Variants in CISD2 observed in about 807,000 individuals in gnomAD.
The protein encoded by CISD2 is CDGSH iron-sulfur domain-containing protein 2.
A neutral mutation model predicts 12.9 loss-of-function variants in CISD2; 1 was observed. The observed-to-expected ratio is 0.08, with a 90% CI of 0.03 to 0.37. The LOEUF (loss-of-function observed/expected upper bound fraction) is 0.37. Ranked by LOEUF, CISD2 falls within the 10% of genes least tolerant of loss-of-function variation. The pLI is 0.99. For missense variants in CISD2, 97 were observed against 163.1 expected, an observed-to-expected ratio of 0.59 and a Z score of 2.21; for synonymous variants, 50 against 60.6, an observed-to-expected ratio of 0.83 and a Z score of 0.81.
At chr4:102,869,605 T>C (rs1733372124) in intron 1 of CISD2, 1 of 685,374 alleles carries the variant, frequency 1.5e-6, no homozygotes, top group Non-Finnish European at 2.7e-6. Flanking sequence ...GGTTGTACCC[T>C]CAGCATGTGG....
chr4:102,874,009 T>A (rs1733531267), intron 1 of CISD2, among the ~76,000 whole-genome samples: 1 of 151,482 alleles, frequency 6.6e-6, no homozygotes, highest in African/African-American at 2.4e-5. Context: ...ACTTGTATTC[T>A]CAGCTACTCA....
intron 1 of CISD2, among the ~76,000 whole-genome samples, chr4:102,874,070 A>G (rs57948648): frequency 0.018 from 2,788 of 151,898 alleles, 81 homozygotes; most frequent in African/African-American, 0.061. Flanking sequence ...AGGTCACAGT[A>G]AGCTGAGATC....
rs114825228 is a variant in CISD2 at position 102,880,235 on chromosome 4, C to T, written c.104-4981C>T. Among the ~76,000 whole-genome samples the T allele has an allele frequency of 1.9e-3, 282 of 152,194 alleles. 1 individual carries two copies. The highest frequency in any genetic ancestry group is 6.4e-3 in the African/African-American group (265 of 41,548). On this transcript the variant is annotated intron_variant, in intron 1 of 2. Coordinates refer to ENST00000273986, the MANE Select transcript of CISD2 (RefSeq NM_001008388.5). ...CTGGAATTACAGGCGTAAGCCACCA[C>T]GCCCAGCCCCCTTGTATCTCTTATA...
chr4:102,872,768 G>A (rs1440034038), intron 1 of CISD2, among the ~76,000 whole-genome samples: 1 of 152,274 alleles, frequency 6.6e-6, no homozygotes, highest in Middle Eastern at 3.4e-3. Flanking sequence ...ATAATAAAAG[G>A]TTAAACCTAA....
intron 1 of CISD2, among the ~76,000 whole-genome samples, chr4:102,876,627 G>A (rs1209445197): frequency 6.6e-6 from 1 of 152,102 alleles, no homozygotes; most frequent in Non-Finnish European, 1.5e-5. Flanking sequence ...ATGCACACCT[G>A]TAATCCCAGC....
chr4:102,880,919 C>T (rs955701472), intron 1 of CISD2, among the ~76,000 whole-genome samples: 9 of 150,636 alleles, frequency 6.0e-5, no homozygotes, highest in Non-Finnish European at 8.8e-5. Flanking sequence ...CGCTTGAACC[C>T]GGGCAGTGGA....
chr4:102,888,340 T>G lies in CISD2; in HGVS notation c.*910T>G, dbSNP rs1451105353. 6.6e-6 allele frequency: 1 copy of G among 152,156 alleles called. No individual in the cohort carries two copies. The highest frequency in any genetic ancestry group is 1.5e-5 in the Non-Finnish European group (1 of 68,046). 9.4% of individuals were successfully genotyped at this position (152,156 alleles called of 1,614,324 possible). On this transcript the variant is annotated 3_prime_UTR_variant, in exon 3 of 3. Coordinates refer to ENST00000273986, the MANE Select transcript of CISD2 (RefSeq NM_001008388.5). ...CACATATACCAAAATCTGCCCATAC[T>G]CAAGTCCCACAGAAAGTCTTGCAGA...
At position 102,890,965 on chromosome 4, in the gene CISD2, A is replaced by G. The variant is rs1394950013; in HGVS notation, c.*3535A>G. 6.6e-6 allele frequency: 1 copy of G among 150,606 alleles called. No homozygotes were observed. Among genetic ancestry groups the G allele is most frequent in the African/African-American group, 2.5e-5 (1 of 40,222 alleles). 9.3% of individuals were successfully genotyped at this position (150,606 alleles called of 1,614,324 possible). Reference sequence around the variant, plus strand: ...CTCAGCATTGTAGGAAATTTAACCCATGGAAAGCAGGGGTGAATTAAAGAC... The same window carrying G: ...CTCAGCATTGTAGGAAATTTAACCCGTGGAAAGCAGGGGTGAATTAAAGAC... On this transcript the variant is annotated 3_prime_UTR_variant, in exon 3 of 3. Coordinates refer to ENST00000273986, the MANE Select transcript of CISD2 (RefSeq NM_001008388.5).
chr4:102,885,519 TGAGA>T (rs1489821937), intron 2 of CISD2, 89 bp downstream of exon 2: 1 of 999,722 alleles, frequency 1.0e-6, no homozygotes, highest in African/African-American at 1.6e-5. Flanking sequence ...TTCTTTAAGA[TGAGA>T]GAATTTTCTG....
At chr4:102,869,820 G>A (rs2110390079) in intron 1 of CISD2, among the ~76,000 whole-genome samples, 1 of 152,244 alleles carries the variant, frequency 6.6e-6, no homozygotes, top group Middle Eastern at 3.4e-3. Flanking sequence ...ACCCAAGAAA[G>A]TATTCGAAGG....
intron 1 of CISD2, among the ~76,000 whole-genome samples, chr4:102,881,041 T>C (rs543471994): frequency 2.4e-4 from 37 of 152,246 alleles, no homozygotes; most frequent in Non-Finnish European, 5.0e-4. Context: ...GTTAGTAATA[T>C]TTTCCTTTCA....
intron 1 of CISD2, among the ~76,000 whole-genome samples, chr4:102,872,990 G>A (rs965919453): frequency 9.9e-5 from 15 of 152,182 alleles, no homozygotes; most frequent in Admixed American, 2.6e-4. Flanking sequence ...GGCGGAAGGC[G>A]AAGGGGAAAC....
chr4:102,869,221 G>A, intron 1 of CISD2, 34 bp downstream of exon 1: 1 of 1,580,096 alleles, frequency 6.3e-7, no homozygotes, highest in Non-Finnish European at 8.6e-7. Flanking sequence ...CCCCATCCTT[G>A]CACGTTCGCC....
chr4:102,884,039 T>C (rs1460813651), intron 1 of CISD2, among the ~76,000 whole-genome samples: 1 of 152,214 alleles, frequency 6.6e-6, no homozygotes, highest in African/African-American at 2.4e-5. Context: ...CATATTGTCT[T>C]TCTTTCAATA....
intron 1 of CISD2, 48 bp downstream of exon 1, chr4:102,869,235 CG>C (rs1349267482): frequency 1.3e-6 from 2 of 1,563,394 alleles, no homozygotes; most frequent in Admixed American, 1.9e-5. Context: ...GTTCGCCAAG[CG>C]GGGGAAGGAG....
rs1734259781 is a variant in CISD2 at position 102,891,778 on chromosome 4, A to T, written c.*4348A>T. ...AACTAAATAAAGCAGTAGCAATTTA[A>T]GTCATAATAAATTTTGTTAGATGAC... On this transcript the variant is annotated 3_prime_UTR_variant, in exon 3 of 3. Coordinates refer to ENST00000273986, the MANE Select transcript of CISD2 (RefSeq NM_001008388.5). The T allele has an allele frequency of 1.3e-5, 2 of 152,234 alleles. No homozygotes were observed. The highest frequency in any genetic ancestry group is 1.3e-4 in the Admixed American group (2 of 15,284). The allele number at this position is 152,234 out of a possible 1,614,324, so 9.4% of individuals were successfully genotyped here.
At chr4:102,885,009 A>G (rs905455060) in intron 1 of CISD2, 1 of 535,498 alleles carries the variant, frequency 1.9e-6, no homozygotes, top group Non-Finnish European at 3.4e-6. Flanking sequence ...TTAGGTTTCT[A>G]GTTTCACTGG....
intron 1 of CISD2, among the ~76,000 whole-genome samples, chr4:102,879,185 C>T (rs1733657383): frequency 6.6e-6 from 1 of 151,966 alleles, no homozygotes; most frequent in African/African-American, 2.4e-5. Flanking sequence ...TATGGGATTA[C>T]AATTTGAGAT....
chr4:102,882,021 A>G (rs954487113), intron 1 of CISD2, among the ~76,000 whole-genome samples: 2 of 152,034 alleles, frequency 1.3e-5, no homozygotes, highest in Non-Finnish European at 2.9e-5. Flanking sequence ...GTGAAACCCC[A>G]TCTCTACTAA....
Sources: gnomAD v4.1 joint callset for allele counts (sites outside exome capture counted in the v4.1 genomes callset) on GRCh38, gnomAD v4.1.1 for gene constraint, MANE v1.5 for transcripts, NCBI Gene and HGNC (gene_info 2026-07-23, HGNC 2026-07-21) for gene names.